Variants in CFAP299 observed in about 807,000 individuals in gnomAD.
CFAP299 encodes the protein cilia- and flagella-associated protein 299.
Under a neutral mutation model 27.0 loss-of-function variants are expected in CFAP299, and 21 were observed. The observed-to-expected ratio is 0.78, with a 90% CI of 0.55 to 1.12. CFAP299 has a LOEUF of 1.12. Ranked by LOEUF, CFAP299 falls within the 50% of genes most tolerant of loss-of-function variation. The probability of loss-of-function intolerance (pLI) is 0.00; values close to 1 mark genes in which losing one functional copy is unlikely to be tolerated. For missense variants in CFAP299, 310 were observed against 276.6 expected (o/e 1.12, Z -0.86); for synonymous variants, 104 against 98.1 (o/e 1.06, Z -0.36).
At chr4:80,725,802 T>C (rs1723126880) in intron 3 of CFAP299, among the ~76,000 whole-genome samples, 1 of 152,220 alleles carries the variant, frequency 6.6e-6, no homozygotes, top group Admixed American at 6.5e-5. Flanking sequence ...GCTTGACTGA[T>C]ACCTGAGTTC....
chr4:80,865,847 C>T (rs1400646421), intron 3 of CFAP299, among the ~76,000 whole-genome samples: 1 of 136,596 alleles, frequency 7.3e-6, no homozygotes, highest in East Asian at 2.2e-4. Context: ...CATGTTCTCA[C>T]TCACAGGTGG....
intron 3 of CFAP299, among the ~76,000 whole-genome samples, chr4:80,644,697 TC>T (rs1342309462): frequency 6.6e-6 from 1 of 152,172 alleles, no homozygotes; most frequent in African/African-American, 2.4e-5. Context: ...CAACTCTTGT[TC>T]CTTGAGTAGA....
In CFAP299 at chr4:80,387,514, G is replaced by A. The variant is rs866819564; in HGVS notation, c.242+24630G>A. 1.1e-5 allele frequency: 9 copies of A among 837,344 alleles called. No homozygotes were observed. The Middle Eastern group carries it at 6.9e-4, about 65-fold the overall frequency. The allele number at this position is 837,344 out of a possible 1,614,324, so 51.9% of individuals were successfully genotyped here. A position where few individuals can be genotyped will look rare whatever the true frequency, so the allele number is the denominator to read the frequency against. ...TGTGGGCCAGGCCTGGAGCTGTGGC[G>A]AGCTTGGTAGGGGCTGGCCCAACCC... On this transcript the variant is annotated intron_variant, in intron 2 of 5. Transcript: ENST00000358105.
intron 3 of CFAP299, among the ~76,000 whole-genome samples, chr4:80,687,036 G>A (rs1720248450): frequency 6.6e-6 from 1 of 152,070 alleles, no homozygotes; most frequent in Non-Finnish European, 1.5e-5. Context: ...ATTTTTGCCT[G>A]TTAAACAAAA....
chr4:80,330,790 C>T (rs558018062), upstream of CFAP299, among the ~76,000 whole-genome samples: 134 of 151,352 alleles, frequency 8.9e-4, 1 homozygote, highest in Non-Finnish European at 1.6e-3. Flanking sequence ...AGTCCTCATA[C>T]GGATTGTAAT....
chr4:80,414,041 A>G (rs1223785345), intron 2 of CFAP299, among the ~76,000 whole-genome samples: 2 of 150,286 alleles, frequency 1.3e-5, no homozygotes, highest in African/African-American at 4.9e-5. Flanking sequence ...TCTGAAAGGC[A>G]TGCAAGAAAC....
intron 2 of CFAP299, among the ~76,000 whole-genome samples, chr4:80,430,179 A>C (rs1254203556): frequency 6.6e-6 from 1 of 152,208 alleles, no homozygotes; most frequent in Admixed American, 6.5e-5. Flanking sequence ...TGTACCAGGT[A>C]CTGTTCTAGT....
intron 5 of CFAP299, among the ~76,000 whole-genome samples, chr4:80,962,873 A>G (rs906258316): frequency 1.3e-5 from 2 of 152,060 alleles, no homozygotes. Flanking sequence ...CATCAGCTTT[A>G]CCTAAACTTC....
chr4:80,700,864 A>AC (rs1721430303), intron 3 of CFAP299, among the ~76,000 whole-genome samples: 1 of 152,076 alleles, frequency 6.6e-6, no homozygotes, highest in Non-Finnish European at 1.5e-5. Flanking sequence ...AGAGGCATAA[A>AC]CAAAAATCAC....
At chr4:80,704,563 A>G (rs1721710398) in intron 3 of CFAP299, among the ~76,000 whole-genome samples, 1 of 151,824 alleles carries the variant, frequency 6.6e-6, no homozygotes, top group South Asian at 2.1e-4. Context: ...TTTTACAGTT[A>G]CTTTATGGTT....
intron 3 of CFAP299, among the ~76,000 whole-genome samples, chr4:80,667,560 T>A (rs1183350392): frequency 6.6e-6 from 1 of 152,158 alleles, no homozygotes; most frequent in Non-Finnish European, 1.5e-5. Context: ...AGACCCACTT[T>A]TTTTGTTCCC....
At chr4:80,360,689 C>T (rs144996203) in intron 1 of CFAP299, among the ~76,000 whole-genome samples, 3,229 of 152,260 alleles carry the variant, frequency 0.021, 69 homozygotes, top group Admixed American at 0.069. Flanking sequence ...TTATAGGTTT[C>T]AAGTTTCTGA....
At chr4:80,674,661 A>G (rs1719299022) in intron 3 of CFAP299, among the ~76,000 whole-genome samples, 1 of 152,154 alleles carries the variant, frequency 6.6e-6, no homozygotes, top group Admixed American at 6.5e-5. Flanking sequence ...ACGTACACTG[A>G]TCAAACGAAG....
Position 80,362,740 on chromosome 4 carries a change from G to T in CFAP299, c.112-14G>T. The stretch of plus-strand genomic sequence containing the variant: ...TCATTTGCCCACTCACCTAACAACT[G>T]ATTTTCTCTCTAGGATGAAACCCTG... On this transcript the variant is annotated splice_polypyrimidine_tract_variant and intron_variant, in intron 1 of 5. Coordinates refer to ENST00000358105, the MANE Select transcript of CFAP299 (RefSeq NM_152770.3). 6.3e-7 allele frequency: 1 copy of T among 1,587,902 alleles called. No individual in the cohort carries two copies. The highest frequency in any genetic ancestry group is 8.5e-7 in the Non-Finnish European group (1 of 1,172,504).
At chr4:80,729,381 T>C (rs1473209355) in intron 3 of CFAP299, among the ~76,000 whole-genome samples, 1 of 152,134 alleles carries the variant, frequency 6.6e-6, no homozygotes, top group Non-Finnish European at 1.5e-5. Flanking sequence ...CCTGTTCCCT[T>C]GAGCAGGCTG....
chr4:80,612,076 C>T lies in CFAP299; in HGVS notation c.333+28893C>T, dbSNP rs183585830. The stretch of plus-strand genomic sequence containing the variant: ...TTATCCCTTATAGGGACAGTATGTG[C>T]CATTTTTTTTTTGTAGATTAGTGAT... On this transcript the variant is annotated intron_variant, in intron 3 of 5. Coordinates refer to ENST00000358105, the MANE Select transcript of CFAP299 (RefSeq NM_152770.3). Among the ~76,000 whole-genome samples the T allele has an allele frequency of 4.7e-3, 687 of 146,582 alleles. 5 individuals carry two copies. Among genetic ancestry groups the T allele is most frequent in the Non-Finnish European group, 7.8e-3 (523 of 67,366 alleles).
Position 80,335,872 on chromosome 4 carries a change from A to G in CFAP299, c.104A>G (p.Tyr35Cys), listed in dbSNP as rs1578325466. 1 of 1,601,286 alleles carries G rather than the reference A, an allele frequency of 6.2e-7. No homozygotes were observed. The highest frequency in any genetic ancestry group is 1.3e-5 in the African/African-American group (1 of 74,700). ...CAGATCACTACTGTGGACTTGTACT[A>G]CCTGGAGGTAAGGGCGGAGCGCGGC... ...DSQITTVDLY[Y>C]LEDETLARQL... The change falls in exon 1 of 6, where the codon TAC becomes TGC. Residue 35 changes from tyrosine to cysteine, a missense_variant. Coordinates refer to ENST00000358105, the MANE Select transcript of CFAP299 (RefSeq NM_152770.3).
At chr4:80,530,119 A>T (rs890743643) in intron 2 of CFAP299, among the ~76,000 whole-genome samples, 1 of 152,156 alleles carries the variant, frequency 6.6e-6, no homozygotes, top group Non-Finnish European at 1.5e-5. Flanking sequence ...AAATATTTCT[A>T]TTAAGTCCAC....
At chr4:80,441,198 C>G (rs1208361165) in intron 2 of CFAP299, among the ~76,000 whole-genome samples, 1 of 152,188 alleles carries the variant, frequency 6.6e-6, no homozygotes, top group Non-Finnish European at 1.5e-5. Context: ...TTAGGAAATA[C>G]AGAGAACACC....
Sources: allele counts gnomAD v4.1 joint callset (sites outside exome capture counted in the v4.1 genomes callset), GRCh38; gene constraint gnomAD v4.1.1; transcripts MANE v1.5; gene names NCBI Gene and HGNC (gene_info 2026-07-23, HGNC 2026-07-21).